The following PITPNM2 variants were observed in gnomAD, a reference collection of about 807,000 sequenced individuals.
PITPNM2 encodes membrane-associated phosphatidylinositol transfer protein 2.
A neutral mutation model predicts 132.2 loss-of-function variants in PITPNM2; 35 were observed. The observed-to-expected ratio is 0.26, with a 90% CI of 0.20 to 0.35. The LOEUF is 0.35. Ranked by LOEUF, PITPNM2 falls within the 10% of genes least tolerant of loss-of-function variation. The pLI is 1.00. For missense variants in PITPNM2, 1,332 were observed against 1,912.0 expected (o/e 0.70, Z 5.66); for synonymous variants, 738 against 799.2 (o/e 0.92, Z 1.29).
chr12:122,987,812 C>T lies in PITPNM2; in HGVS notation c.3087G>A (p.Leu1029=), dbSNP rs1169849080. 3 of 1,614,018 alleles carry T rather than the reference C, an allele frequency of 1.9e-6. No individual in the cohort carries two copies. The highest frequency in any genetic ancestry group is 2.5e-6 in the Non-Finnish European group (3 of 1,180,008). ...VLTGRFMYGP[L]DMVTLTGEKV... ...TCTCCCCAGTCAGGGTGACCATGTC[C>T]AGGGGCCCATACATGAACCTGCCCG... The change falls in exon 21 of 26, where the codon CTG becomes CTA. Residue 1029 remains leucine, a synonymous_variant. Coordinates refer to ENST00000320201, the MANE Select transcript of PITPNM2 (RefSeq NM_020845.3).
rs753676483 is a variant in PITPNM2 at position 123,034,642 on chromosome 12, G to T, written c.-52C>A. 3.9e-6 allele frequency: 6 copies of T among 1,529,446 alleles called. No homozygotes were observed. In the African/African-American group the frequency reaches 6.8e-5, roughly 17 times the overall value. 94.7% of individuals were successfully genotyped at this position (1,529,446 alleles called of 1,614,324 possible). On this transcript the variant is annotated 5_prime_UTR_variant, in exon 3 of 26. Coordinates refer to ENST00000320201, the MANE Select transcript of PITPNM2 (RefSeq NM_020845.3). Reference sequence around the variant, plus strand: ...GGGGAACTGCAAGTTGGGACTTCTAGGCAAGGTTCCTTAAATAACCATGAC... The same window carrying T: ...GGGGAACTGCAAGTTGGGACTTCTATGCAAGGTTCCTTAAATAACCATGAC...
intron 2 of PITPNM2, among the ~76,000 whole-genome samples, chr12:123,068,076 CT>C: frequency 6.6e-6 from 1 of 152,348 alleles, no homozygotes. Context: ...TGGCCTCCCC[CT>C]GCCCAGCCTC....
chr12:123,035,392 A>C (rs1319488357), intron 2 of PITPNM2, among the ~76,000 whole-genome samples: 2 of 152,174 alleles, frequency 1.3e-5, no homozygotes, highest in African/African-American at 4.8e-5. Flanking sequence ...TGGGCCGGGC[A>C]CAGTGGCTCA....
At chr12:123,027,490 G>A (rs2039904441) in intron 3 of PITPNM2, among the ~76,000 whole-genome samples, 1 of 152,214 alleles carries the variant, frequency 6.6e-6, no homozygotes, top group African/African-American at 2.4e-5. Flanking sequence ...GGTATCATTA[G>A]GCCAGCTATG....
In PITPNM2 at chr12:122,987,920, G is replaced by A; in HGVS notation, c.2998-19C>T. 3 of 1,599,600 alleles carry A rather than the reference G, an allele frequency of 1.9e-6. No homozygotes were observed. Among genetic ancestry groups the A allele is most frequent in the Non-Finnish European group, 2.6e-6 (3 of 1,171,482 alleles). ...TCACGTTCTGTGGAGGGAGTGGCAA[G>A]CCCAGGTCAGGGGGTCGGAGGGCAC... On this transcript the variant is annotated intron_variant, in intron 20 of 25. Transcript: ENST00000320201.
At chr12:123,105,420 G>A (rs1336441318) in intron 2 of PITPNM2, 1 of 152,198 alleles carries the variant, frequency 6.6e-6, no homozygotes, top group South Asian at 2.1e-4. Flanking sequence ...GAAATGAAGA[G>A]TCAAGCTATT....
At chr12:123,025,316 T>G (rs2039818216) in intron 3 of PITPNM2, among the ~76,000 whole-genome samples, 2 of 152,260 alleles carry the variant, frequency 1.3e-5, no homozygotes. Flanking sequence ...CCAGAGCGAT[T>G]GAGTCCCCTT....
intron 1 of PITPNM2, among the ~76,000 whole-genome samples, chr12:123,132,045 C>T (rs974308011): frequency 2.0e-5 from 3 of 152,352 alleles, no homozygotes; most frequent in Middle Eastern, 3.4e-3. Flanking sequence ...ACCCAGTGCC[C>T]GATTCCCCCA....
intron 1 of PITPNM2, among the ~76,000 whole-genome samples, chr12:123,140,790 A>G (rs1441034669): frequency 2.6e-5 from 4 of 152,016 alleles, no homozygotes; most frequent in Non-Finnish European, 5.9e-5. Context: ...CAACTTCACA[A>G]GTAGGTCCAA....
At position 122,986,457 on chromosome 12, in the gene PITPNM2, C is replaced by T; in HGVS notation, c.3705G>A (p.Lys1235=). Residue 1235 remains lysine, a synonymous_variant, in exon 25 of 26, where the codon AAG becomes AAA. Coordinates refer to ENST00000320201, the MANE Select transcript of PITPNM2 (RefSeq NM_020845.3). ...TCACCTGGCACTGCTGCTGCAGCTT[C>T]TTGGTGGGCCGGCCCACGATGTAGA... ...MQIYIVGRPT[K]KLQQQCQFIT... 6.3e-7 allele frequency: 1 copy of T among 1,576,900 alleles called. No individual in the cohort carries two copies. The highest frequency in any genetic ancestry group is 2.3e-5 in the East Asian group (1 of 43,210).
intron 2 of PITPNM2, among the ~76,000 whole-genome samples, chr12:123,080,224 A>AT (rs146105444): frequency 5.0e-4 from 74 of 148,518 alleles, no homozygotes; most frequent in African/African-American, 1.4e-3. Flanking sequence ...TTGTTGTCAC[A>AT]TTTTTTTTTT....
Position 122,992,424 on chromosome 12 carries a change from T to C in PITPNM2, c.2404+75A>G. On this transcript the variant is annotated intron_variant, in intron 16 of 25. Transcript: ENST00000320201. This position sits in a 1 kb window ranked among gnomAD's most constrained non-coding sequence, Gnocchi z 6.5. ...TCACCTGGGGAAGAACCACGTAGCA[T>C]GGAGGACCTAGGAGCCAGGGAGCCA... The C allele has an allele frequency of 4.0e-6, 6 of 1,488,374 alleles. No individual in the cohort carries two copies. In the South Asian group the frequency reaches 7.7e-5, roughly 19 times the overall value. 92.2% of individuals were successfully genotyped at this position (1,488,374 alleles called of 1,614,324 possible).
intron 1 of PITPNM2, among the ~76,000 whole-genome samples, chr12:123,148,337 T>C (rs1432197416): frequency 1.3e-5 from 2 of 152,204 alleles, no homozygotes; most frequent in African/African-American, 4.8e-5. Context: ...TCATAAGCAG[T>C]GGCTCCTCCT....
chr12:123,124,336 G>A (rs1024689964), intron 1 of PITPNM2, among the ~76,000 whole-genome samples: 1 of 152,012 alleles, frequency 6.6e-6, no homozygotes, highest in African/African-American at 2.4e-5. Flanking sequence ...GGAGACTGAG[G>A]CAGGAGAATC....
chr12:123,077,343 T>C lies in PITPNM2; in HGVS notation c.-96+33042A>G, dbSNP rs1198093731. ...AAAACATTTCCTCACTGAACTCTCA[T>C]TTTCAGATAATGAAGGATTGGTCAG... On this transcript the variant is annotated intron_variant, in intron 2 of 25. Transcript: ENST00000320201. This position sits in a 1 kb window ranked among gnomAD's most constrained non-coding sequence, Gnocchi z 4.8. Among the ~76,000 whole-genome samples, 1 of 152,142 alleles carries C rather than the reference T, an allele frequency of 6.6e-6. No homozygotes were observed. Among genetic ancestry groups the C allele is most frequent in the Non-Finnish European group, 1.5e-5 (1 of 68,026 alleles).
At chr12:123,073,440 C>G (rs759576749) in intron 2 of PITPNM2, among the ~76,000 whole-genome samples, 1 of 152,010 alleles carries the variant, frequency 6.6e-6, no homozygotes, top group Non-Finnish European at 1.5e-5. Flanking sequence ...CATTCGCCAC[C>G]GCCTACACAG....
intron 1 of PITPNM2, among the ~76,000 whole-genome samples, chr12:123,123,693 G>A (rs1254488107): frequency 6.6e-6 from 1 of 152,108 alleles, no homozygotes; most frequent in East Asian, 1.9e-4. Flanking sequence ...CCCACACTTT[G>A]GGAGGCTGAG....
chr12:123,101,592 A>C lies in PITPNM2; in HGVS notation c.-96+8793T>G, dbSNP rs985775468. Among the ~76,000 whole-genome samples the C allele has an allele frequency of 2.0e-5, 3 of 152,326 alleles. No homozygotes were observed. The East Asian group carries it at 5.8e-4, about 29-fold the overall frequency. On this transcript the variant is annotated intron_variant, in intron 2 of 25. Transcript: ENST00000320201. Reference sequence around the variant, plus strand: ...TTATTTATTTTTACGTCCAGCACATAGTGCAGCTCAGGCACACAGACGGTA... The same window carrying C: ...TTATTTATTTTTACGTCCAGCACATCGTGCAGCTCAGGCACACAGACGGTA...
intron 6 of PITPNM2, among the ~76,000 whole-genome samples, chr12:123,006,711 T>C (rs1200147177): frequency 9.9e-6 from 1 of 100,560 alleles, no homozygotes; most frequent in Admixed American, 1.3e-4. Flanking sequence ...AGACCCTGTC[T>C]CAAAATAGTA....
Sources: allele counts gnomAD v4.1 joint callset (sites outside exome capture counted in the v4.1 genomes callset), GRCh38; gene constraint gnomAD v4.1.1; non-coding constraint Gnocchi (gnomAD v3.1); transcripts MANE v1.5; gene names NCBI Gene and HGNC (gene_info 2026-07-23, HGNC 2026-07-21).